OR6N1: variants seen among roughly 807,000 people sequenced by gnomAD.
OR6N1 encodes olfactory receptor family 6 subfamily N member 1, also known as olfactory receptor 6N1.
For synonymous variants in OR6N1, 170 were observed against 150.7 expected (o/e 1.13, Z -0.94); for missense variants, 394 against 371.7 (o/e 1.06, Z -0.49).
At chr1:158,791,189 T>G in the OR6N1 span, among the ~76,000 whole-genome samples, 2 of 152,236 alleles carry the variant, frequency 1.3e-5, no homozygotes, top group Non-Finnish European at 2.9e-5. Flanking sequence ...GAGGATTTTT[T>G]TAAAAATTGC....
At chr1:158,773,831 GTT>G (rs538058689), upstream of OR6N1, among the ~76,000 whole-genome samples, 1,035 of 152,246 alleles carry the variant, frequency 6.8e-3, 14 homozygotes, top group African/African-American at 0.023. Flanking sequence ...ATGTGTGTGT[GTT>G]TTTGTGTGTG....
chr1:158,801,213 T>C, the OR6N1 span, among the ~76,000 whole-genome samples: 1 of 151,732 alleles, frequency 6.6e-6, no homozygotes, highest in Non-Finnish European at 1.5e-5. Flanking sequence ...TGTGTGTATG[T>C]GAAGAAGAGA....
At chr1:158,820,143 A>T in the OR6N1 span, among the ~76,000 whole-genome samples, 9 of 152,352 alleles carry the variant, frequency 5.9e-5, no homozygotes, top group African/African-American at 2.2e-4. Flanking sequence ...TAAGGCACAG[A>T]TCACTCATGC....
At chr1:158,838,803 A>T in the OR6N1 span, among the ~76,000 whole-genome samples, 2 of 152,226 alleles carry the variant, frequency 1.3e-5, no homozygotes, top group South Asian at 4.1e-4. Flanking sequence ...AGCCTTGATA[A>T]TTACACATGA....
the OR6N1 span, among the ~76,000 whole-genome samples, chr1:158,793,181 T>C: frequency 6.6e-6 from 1 of 151,028 alleles, no homozygotes; most frequent in Non-Finnish European, 1.5e-5. Context: ...ATCCTGAAGT[T>C]TTTTTTTTAT....
At chr1:158,777,159 C>T (rs376676151), upstream of OR6N1, 16 of 1,613,884 alleles carry the variant, frequency 9.9e-6, no homozygotes, top group Non-Finnish European at 1.3e-5. Flanking sequence ...CAAGGATGAC[C>T]TCAGAAATGG....
the OR6N1 span, among the ~76,000 whole-genome samples, chr1:158,792,204 G>C: frequency 5.7e-3 from 874 of 152,222 alleles, 5 homozygotes; most frequent in Non-Finnish European, 8.3e-3. Context: ...CCTGATGTAA[G>C]AATAGCTATT....
the OR6N1 span, among the ~76,000 whole-genome samples, chr1:158,783,135 T>G: frequency 6.6e-6 from 1 of 152,228 alleles, no homozygotes; most frequent in African/African-American, 2.4e-5. Context: ...CCTTGTCACT[T>G]CCTGCCTTGT....
the OR6N1 span, among the ~76,000 whole-genome samples, chr1:158,777,963 T>C: frequency 2.3e-4 from 35 of 152,326 alleles, no homozygotes; most frequent in East Asian, 6.7e-3. Flanking sequence ...CACTTTTGTA[T>C]TTCCTATAGA....
At chr1:158,801,884 G>A in the OR6N1 span, among the ~76,000 whole-genome samples, 23 of 152,054 alleles carry the variant, frequency 1.5e-4, no homozygotes, top group African/African-American at 4.6e-4. Context: ...CCCATTACCT[G>A]ATGGTTTTGA....
chr1:158,771,463 A>G (rs751458229), intron 1 of OR6N1, among the ~76,000 whole-genome samples: 2 of 152,198 alleles, frequency 1.3e-5, no homozygotes, highest in Non-Finnish European at 1.5e-5. Context: ...ATCTACTCCT[A>G]TTCCTGATAT....
chr1:158,786,955 G>GCAACAGA, the OR6N1 span, among the ~76,000 whole-genome samples: 1 of 152,098 alleles, frequency 6.6e-6, no homozygotes, highest in African/African-American at 2.4e-5. Flanking sequence ...AATTATCAAT[G>GCAACAGA]TAACAGAAAA....
the OR6N1 span, among the ~76,000 whole-genome samples, chr1:158,813,563 A>C: frequency 6.6e-6 from 1 of 152,080 alleles, no homozygotes; most frequent in East Asian, 1.9e-4. Flanking sequence ...CACTACTAAA[A>C]GTTGTTTCCT....
At chr1:158,787,091 G>C in the OR6N1 span, among the ~76,000 whole-genome samples, 1 of 151,978 alleles carries the variant, frequency 6.6e-6, no homozygotes, top group Admixed American at 6.5e-5. Context: ...AGTCATGTTC[G>C]GTCATGGGGG....
chr1:158,833,327 G>A, the OR6N1 span, among the ~76,000 whole-genome samples: 1 of 152,114 alleles, frequency 6.6e-6, no homozygotes, highest in Non-Finnish European at 1.5e-5. Flanking sequence ...TTTTAATTGT[G>A]TTAAGAAACA....
chr1:158,812,154 C>G, the OR6N1 span, among the ~76,000 whole-genome samples: 1 of 152,196 alleles, frequency 6.6e-6, no homozygotes, highest in Non-Finnish European at 1.5e-5. Context: ...ATACAGACTT[C>G]CCCTGTGCTT....
chr1:158,800,574 A>G, the OR6N1 span, among the ~76,000 whole-genome samples: 1 of 152,240 alleles, frequency 6.6e-6, no homozygotes, highest in Non-Finnish European at 1.5e-5. Context: ...TGGGGACCCC[A>G]GAACATTCTG....
the OR6N1 span, among the ~76,000 whole-genome samples, chr1:158,797,407 AC>A: frequency 6.6e-6 from 1 of 152,184 alleles, no homozygotes; most frequent in Admixed American, 6.5e-5. Context: ...CGATTCTATC[AC>A]CCTCTGCACA....
chr1:158,765,660 T>G lies in OR6N1; in HGVS notation c.*84A>C. Reference sequence around the variant, plus strand: ...CACCCCACATAGAAAAGCACTGAATTTTTAGTTTCTCGTCTCTGGCCACTG... The same window carrying G: ...CACCCCACATAGAAAAGCACTGAATGTTTAGTTTCTCGTCTCTGGCCACTG... On this transcript the variant is annotated 3_prime_UTR_variant, in exon 2 of 2. Coordinates refer to ENST00000641846, the MANE Select transcript of OR6N1 (RefSeq NM_001005185.2). 8.7e-7 allele frequency: 1 copy of G among 1,145,042 alleles called. No homozygotes were observed. The highest frequency in any genetic ancestry group is 1.3e-6 in the Non-Finnish European group (1 of 793,216). The allele number at this position is 1,145,042 out of a possible 1,614,324, so 70.9% of individuals were successfully genotyped here. A position where few individuals can be genotyped will look rare whatever the true frequency, so the allele number is the denominator to read the frequency against.
Sources: gnomAD v4.1 joint callset for allele counts (sites outside exome capture counted in the v4.1 genomes callset) on GRCh38, gnomAD v4.1.1 for gene constraint, MANE v1.5 for transcripts, NCBI Gene and HGNC (gene_info 2026-07-23, HGNC 2026-07-21) for gene names.